The following RAB11FIP4 variants were observed in gnomAD, a reference collection of about 807,000 sequenced individuals.
The protein encoded by RAB11FIP4 is rab11 family-interacting protein 4.
In RAB11FIP4, 23 loss-of-function variants were observed where a neutral mutation model predicts 74.3. That is an observed-to-expected ratio of 0.31 (90% confidence interval 0.22 to 0.44). The LOEUF is 0.44. Ranked by LOEUF, RAB11FIP4 falls within the 20% of genes least tolerant of loss-of-function variation. RAB11FIP4 has a pLI of 1.00. For synonymous variants in RAB11FIP4, 360 were observed against 359.9 expected, an observed-to-expected ratio of 1.00 and a Z score of 0.00; for missense variants, 630 against 863.9, an observed-to-expected ratio of 0.73 and a Z score of 3.39.
chr17:31,520,892 T>C (rs1236625807), intron 4 of RAB11FIP4: 2 of 222,046 alleles, frequency 9.0e-6, no homozygotes, highest in Middle Eastern at 1.5e-3. Context: ...TTAATAATTA[T>C]AATTTGATCT....
chr17:31,418,130 G>A (rs1328049081), intron 1 of RAB11FIP4, among the ~76,000 whole-genome samples: 1 of 152,190 alleles, frequency 6.6e-6, no homozygotes, highest in African/African-American at 2.4e-5. Flanking sequence ...GCTCATGCCT[G>A]TAATCCCAGC....
chr17:31,454,650 G>A lies in RAB11FIP4; in HGVS notation c.336+20528G>A, dbSNP rs138841860. The stretch of plus-strand genomic sequence containing the variant: ...TGTAATCCCAGCACTTTGGGAGGCC[G>A]AGGCAGGTGGATCGCTTGAGGTCAG... On this transcript the variant is annotated intron_variant, in intron 3 of 14. Coordinates refer to ENST00000621161, the MANE Select transcript of RAB11FIP4 (RefSeq NM_032932.6). Among the ~76,000 whole-genome samples, 961 of 152,158 alleles carry A rather than the reference G, an allele frequency of 6.3e-3. 6 individuals carry two copies. The highest frequency in any genetic ancestry group is 0.011 in the Non-Finnish European group (722 of 67,988).
rs61393689 is a variant in RAB11FIP4, at chr17:31,445,578, A to ATTT, written c.336+11479_336+11481dup. ...TATATATATATATATATATATATAT[A>ATTT]TTTTTTTTTTTTTTTTTTTTTTTTT... On this transcript the variant is annotated intron_variant, in intron 3 of 14. Transcript: ENST00000621161. Among the ~76,000 whole-genome samples, 36 of 16,276 alleles carry ATTT rather than the reference A, an allele frequency of 2.2e-3. 1 individual carries two copies. The highest frequency in any genetic ancestry group is 5.0e-3 in the Admixed American group (4 of 806). 10.7% of individuals were successfully genotyped at this position (16,276 alleles called of 152,430 possible).
intron 3 of RAB11FIP4, 63 bp downstream of exon 3, chr17:31,434,185 T>C: frequency 7.3e-7 from 1 of 1,368,272 alleles, no homozygotes; most frequent in Non-Finnish European, 1.0e-6. Context: ...GTCTTGCCTT[T>C]GCTCCATTTT....
chr17:31,439,734 G>A (rs1031708435), intron 3 of RAB11FIP4, among the ~76,000 whole-genome samples: 8 of 152,202 alleles, frequency 5.3e-5, no homozygotes, highest in Admixed American at 2.6e-4. Flanking sequence ...CCTCGGCCCC[G>A]CAATTAGCTG....
intron 1 of RAB11FIP4, among the ~76,000 whole-genome samples, chr17:31,401,020 G>A (rs1001274348): frequency 6.6e-6 from 1 of 152,210 alleles, no homozygotes; most frequent in Non-Finnish European, 1.5e-5. Context: ...TGTAATCCCA[G>A]CACTCTGGGA....
intron 3 of RAB11FIP4, among the ~76,000 whole-genome samples, chr17:31,516,626 C>G (rs560086038): frequency 6.6e-6 from 1 of 152,194 alleles, no homozygotes. Flanking sequence ...TGCGCCACCT[C>G]GCCCAGCTAA....
chr17:31,488,791 G>T (rs2071951400), intron 3 of RAB11FIP4, among the ~76,000 whole-genome samples: 1 of 150,720 alleles, frequency 6.6e-6, no homozygotes, highest in South Asian at 2.1e-4. Flanking sequence ...CCGAGAAGCT[G>T]CAGTGGTGGG....
chr17:31,395,533 C>T (rs1242478350), intron 1 of RAB11FIP4, among the ~76,000 whole-genome samples: 1 of 152,152 alleles, frequency 6.6e-6, no homozygotes, highest in Non-Finnish European at 1.5e-5. Context: ...TAGAACTTTT[C>T]CTCTGTGGTC....
At position 31,512,725 on chromosome 17, in the gene RAB11FIP4, AG is replaced by A. The variant is rs1280993374; in HGVS notation, c.337-4924del. Among the ~76,000 whole-genome samples, 1 of 152,096 alleles carries A rather than the reference AG, an allele frequency of 6.6e-6. No homozygotes were observed. The highest frequency in any genetic ancestry group is 1.5e-5 in the Non-Finnish European group (1 of 67,984). ...GGATACCACACTGTCCCTTCCCCAA[AG>A]GCCCCCAAAAGAGCAGACACAGCCT... On this transcript the variant is annotated intron_variant, in intron 3 of 14. Coordinates refer to ENST00000621161, the MANE Select transcript of RAB11FIP4 (RefSeq NM_032932.6). This position sits in a 1 kb window ranked among gnomAD's most constrained non-coding sequence, Gnocchi z 4.1.
At chr17:31,462,243 G>A (rs2142718077) in intron 3 of RAB11FIP4, among the ~76,000 whole-genome samples, 1 of 151,312 alleles carries the variant, frequency 6.6e-6, no homozygotes, top group South Asian at 2.1e-4. Context: ...TCCAGTGTGG[G>A]CAACAGAGCA....
intron 10 of RAB11FIP4, chr17:31,527,339 C>G (rs1417205557): frequency 1.3e-5 from 2 of 153,054 alleles, no homozygotes; most frequent in Non-Finnish European, 2.9e-5. Flanking sequence ...GTGGCTCACT[C>G]TTGTAATCCC....
chr17:31,398,292 A>G lies in RAB11FIP4; in HGVS notation c.159+6281A>G, dbSNP rs1056074393. Among the ~76,000 whole-genome samples, 8 of 152,196 alleles carry G rather than the reference A, an allele frequency of 5.3e-5. No homozygotes were observed. In the East Asian group the frequency reaches 1.4e-3, roughly 26 times the overall value. On this transcript the variant is annotated intron_variant, in intron 1 of 14. Transcript: ENST00000621161. ...CTGACCTCTGGTGATCCACTGCCTG[A>G]GCCTCCCAAGGTGCTGGGATTACAG...
intron 2 of RAB11FIP4, 23 bp from the exon 3 acceptor site, chr17:31,434,011 C>G (rs769983482): frequency 3.8e-6 from 6 of 1,566,350 alleles, no homozygotes; most frequent in Non-Finnish European, 5.2e-6. Context: ...CTCACTGTCC[C>G]GTGTGTCTGC....
At chr17:31,426,221 G>C (rs906977083) in intron 1 of RAB11FIP4, among the ~76,000 whole-genome samples, 2 of 152,118 alleles carry the variant, frequency 1.3e-5, no homozygotes, top group African/African-American at 4.8e-5. Context: ...TGACTCTCTG[G>C]GGTCAGTAAG....
At chr17:31,399,498 A>T (rs1168193231) in intron 1 of RAB11FIP4, among the ~76,000 whole-genome samples, 3 of 152,108 alleles carry the variant, frequency 2.0e-5, no homozygotes, top group Non-Finnish European at 4.4e-5. Flanking sequence ...AGATTGCTTG[A>T]GGTCAGGAGT....
chr17:31,433,641 C>T (rs539282997), intron 2 of RAB11FIP4, among the ~76,000 whole-genome samples: 2 of 152,306 alleles, frequency 1.3e-5, no homozygotes, highest in African/African-American at 2.4e-5. Flanking sequence ...CTGCAGGACA[C>T]GGGGGGCGCC....
At chr17:31,409,628 C>G (rs1278127071) in intron 1 of RAB11FIP4, among the ~76,000 whole-genome samples, 1 of 152,212 alleles carries the variant, frequency 6.6e-6, no homozygotes, top group Admixed American at 6.5e-5. Context: ...GGTTCCCACC[C>G]TGCACTCAAG....
chr17:31,396,914 T>A (rs1341887769), intron 1 of RAB11FIP4, among the ~76,000 whole-genome samples: 1 of 152,200 alleles, frequency 6.6e-6, no homozygotes, highest in Non-Finnish European at 1.5e-5. Context: ...TGGTCCCCAC[T>A]GGGCTCCCTG....
Sources: gnomAD v4.1 joint callset for allele counts (sites outside exome capture counted in the v4.1 genomes callset) on GRCh38, gnomAD v4.1.1 for gene constraint, Gnocchi (gnomAD v3.1) non-coding constraint, MANE v1.5 for transcripts, NCBI Gene and HGNC (gene_info 2026-07-23, HGNC 2026-07-21) for gene names.